KCNIP4: variants seen among roughly 807,000 people sequenced by gnomAD.
The protein encoded by KCNIP4 is potassium voltage-gated channel interacting protein 4.
Under a neutral mutation model 34.0 loss-of-function variants are expected in KCNIP4, and 12 were observed. The observed-to-expected ratio is 0.35, with a 90% CI of 0.23 to 0.57. The LOEUF is 0.57. Among genes scored for constraint, KCNIP4 ranks in the 20% least tolerant of loss-of-function variants. KCNIP4 has a pLI of 0.83. For synonymous variants in KCNIP4, 124 were observed against 102.2 expected (o/e 1.21, Z -1.29); for missense variants, 238 against 311.7 (o/e 0.76, Z 1.78).
intron 1 of KCNIP4, chr4:21,852,146 A>T (rs1724449753): frequency 6.6e-6 from 1 of 152,146 alleles, no homozygotes; most frequent in Non-Finnish European, 1.5e-5. Flanking sequence ...CACTGTCAAG[A>T]TAAGTGTGTG....
At chr4:20,855,148 A>T (rs1721440421) in intron 2 of KCNIP4, among the ~76,000 whole-genome samples, 1 of 152,174 alleles carries the variant, frequency 6.6e-6, no homozygotes, top group Non-Finnish European at 1.5e-5. Flanking sequence ...AGGGTCATGT[A>T]AGCACAAGTC....
At chr4:21,017,996 ATAAT>A (rs1739706194) in intron 1 of KCNIP4, among the ~76,000 whole-genome samples, 1 of 152,232 alleles carries the variant, frequency 6.6e-6, no homozygotes, top group African/African-American at 2.4e-5. Context: ...ATTAAAATAA[ATAAT>A]TAACTAGTAC....
intron 3 of KCNIP4, among the ~76,000 whole-genome samples, chr4:20,810,364 ATCAAAGG>A (rs1161745588): frequency 6.6e-6 from 1 of 151,686 alleles, no homozygotes; most frequent in African/African-American, 2.4e-5. Flanking sequence ...CAGAGACAAT[ATCAAAGG>A]CAATATGTTT....
chr4:21,835,761 T>C (rs1181867282), intron 1 of KCNIP4, among the ~76,000 whole-genome samples: 2 of 152,268 alleles, frequency 1.3e-5, no homozygotes, highest in East Asian at 3.9e-4. Flanking sequence ...TTTCTACTGT[T>C]TATAAAGACT....
chr4:21,568,181 C>T (rs779719580), intron 1 of KCNIP4, among the ~76,000 whole-genome samples: 6 of 152,052 alleles, frequency 3.9e-5, no homozygotes, highest in Non-Finnish European at 8.8e-5. Context: ...TGGTGGACCC[C>T]AAATTCATGT....
intron 1 of KCNIP4, among the ~76,000 whole-genome samples, chr4:21,502,988 C>T (rs6827472): frequency 0.2 from 31,171 of 152,098 alleles, 3,584 homozygotes; most frequent in Non-Finnish European, 0.27. Context: ...TTACATCTAA[C>T]AGTTGTCTCA....
intron 1 of KCNIP4, among the ~76,000 whole-genome samples, chr4:21,519,809 A>C: frequency 7.6e-6 from 1 of 132,346 alleles, no homozygotes; most frequent in South Asian, 2.6e-4. Flanking sequence ...ACGTGTGTGT[A>C]TGTGTGTGTA....
intron 1 of KCNIP4, among the ~76,000 whole-genome samples, chr4:20,944,871 T>TG (rs754495555): frequency 7.6e-5 from 4 of 52,610 alleles, no homozygotes; most frequent in Non-Finnish European, 1.6e-4. Context: ...AGCACGTGTT[T>TG]ATACTTATTT....
At chr4:21,177,885 A>ATATATATATATGTAT (rs1560784838) in intron 1 of KCNIP4, among the ~76,000 whole-genome samples, 58 of 145,790 alleles carry the variant, frequency 4.0e-4, no homozygotes, top group African/African-American at 1.5e-3. Flanking sequence ...TATAAAATAT[A>ATATATATATATGTAT]ACATTTAAAA....
At chr4:21,884,012 C>A (rs137960713) in intron 1 of KCNIP4, among the ~76,000 whole-genome samples, 1 of 152,124 alleles carries the variant, frequency 6.6e-6, no homozygotes, top group Non-Finnish European at 1.5e-5. Context: ...GGAACTCAAA[C>A]GTAAGGTAAT....
At chr4:21,880,945 T>C (rs1341539363) in intron 1 of KCNIP4, among the ~76,000 whole-genome samples, 1 of 152,168 alleles carries the variant, frequency 6.6e-6, no homozygotes, top group Non-Finnish European at 1.5e-5. Context: ...AAGATAAAAC[T>C]CTTATTAATT....
intron 1 of KCNIP4, among the ~76,000 whole-genome samples, chr4:21,750,960 T>C (rs1296472909): frequency 1.3e-5 from 2 of 152,138 alleles, no homozygotes; most frequent in African/African-American, 2.4e-5. Flanking sequence ...TCATCTATAT[T>C]TACTTAAGAC....
At chr4:21,559,800 T>C (rs1198050356) in intron 1 of KCNIP4, among the ~76,000 whole-genome samples, 1 of 152,100 alleles carries the variant, frequency 6.6e-6, no homozygotes, top group Non-Finnish European at 1.5e-5. Flanking sequence ...GGGGCAGAAA[T>C]GGAACTAAAA....
At chr4:20,752,855 T>C (rs772112754) in intron 4 of KCNIP4, 4 of 152,212 alleles carry the variant, frequency 2.6e-5, no homozygotes, top group Non-Finnish European at 4.4e-5. Context: ...CTGGTTTTAC[T>C]CAACTGTGTT....
At chr4:21,748,975 T>A (rs1307441096) in intron 1 of KCNIP4, among the ~76,000 whole-genome samples, 1 of 152,164 alleles carries the variant, frequency 6.6e-6, no homozygotes, top group East Asian at 1.9e-4. Context: ...ACTGCTTTTA[T>A]AACATTCCAG....
chr4:21,340,087 G>A (rs1325878173), intron 1 of KCNIP4, among the ~76,000 whole-genome samples: 2 of 151,768 alleles, frequency 1.3e-5, no homozygotes, highest in Non-Finnish European at 2.9e-5. Flanking sequence ...GTGTCAGAAA[G>A]AGCCTACTTA....
chr4:21,490,954 C>T (rs1182846286), intron 1 of KCNIP4, among the ~76,000 whole-genome samples: 1 of 151,980 alleles, frequency 6.6e-6, no homozygotes, highest in African/African-American at 2.4e-5. Context: ...GAAGATTACT[C>T]AAAGCATAAA....
intron 1 of KCNIP4, among the ~76,000 whole-genome samples, chr4:21,241,956 G>A (rs1371055503): frequency 6.6e-6 from 1 of 152,004 alleles, no homozygotes; most frequent in African/African-American, 2.4e-5. Flanking sequence ...TGAAGACAGA[G>A]ATTGAGACCA....
intron 1 of KCNIP4, among the ~76,000 whole-genome samples, chr4:20,958,899 A>G (rs1007805647): frequency 3.3e-5 from 5 of 152,232 alleles, no homozygotes; most frequent in Admixed American, 1.3e-4. Flanking sequence ...GGACATACAC[A>G]GCCTATGAAA....
Sources: gnomAD v4.1 joint callset for allele counts (sites outside exome capture counted in the v4.1 genomes callset) on GRCh38, gnomAD v4.1.1 for gene constraint, MANE v1.5 for transcripts, NCBI Gene and HGNC (gene_info 2026-07-23, HGNC 2026-07-21) for gene names.